TRIM66: variants seen among roughly 807,000 people sequenced by gnomAD.
TRIM66 encodes the protein tripartite motif containing 66.
A neutral mutation model predicts 148.2 loss-of-function variants in TRIM66; 99 were observed. The ratio of observed to expected loss-of-function variants is 0.67; its 90% CI spans 0.57 to 0.79. The LOEUF is 0.79. TRIM66 is among the 30% of genes least tolerant of loss of function. The pLI, the probability that TRIM66 is intolerant of heterozygous loss-of-function variation, is 0.00. For synonymous variants in TRIM66, 616 were observed against 635.9 expected (o/e 0.97, Z 0.47); for missense variants, 1,666 against 1,697.9 (o/e 0.98, Z 0.33).
chr11:8,643,371 A>C (rs1320461311), intron 12 of TRIM66, among the ~76,000 whole-genome samples: 3 of 143,700 alleles, frequency 2.1e-5, no homozygotes, highest in Admixed American at 7.0e-5. Context: ...ACGGGGTCTC[A>C]CTCTGTTGCC....
intron 3 of TRIM66, among the ~76,000 whole-genome samples, chr11:8,676,845 G>C (rs1002372893): frequency 6.6e-6 from 1 of 152,208 alleles, no homozygotes; most frequent in Non-Finnish European, 1.5e-5. Flanking sequence ...GCCTACAGGG[G>C]CTGGGCAATC....
At position 8,615,582 on chromosome 11, in the gene TRIM66, A is replaced by G. The variant is rs2033670005; in HGVS notation, c.*2362T>C. On this transcript the variant is annotated 3_prime_UTR_variant, in exon 25 of 25. Coordinates refer to ENST00000646038, the MANE Select transcript of TRIM66 (RefSeq NM_001388022.1). ...TGGTTTTTGCATGCAAAAACAAAAC[A>G]AAACCATGATTCAAAACACTGGTGG... 1 of 152,132 alleles carries G rather than the reference A, an allele frequency of 6.6e-6. No homozygotes were observed. The highest frequency in any genetic ancestry group is 2.4e-5 in the African/African-American group (1 of 41,422). 9.4% of individuals were successfully genotyped at this position (152,132 alleles called of 1,614,324 possible).
chr11:8,637,174 C>T (rs2035951298), intron 15 of TRIM66, among the ~76,000 whole-genome samples: 1 of 152,178 alleles, frequency 6.6e-6, no homozygotes, highest in Non-Finnish European at 1.5e-5. Flanking sequence ...CACTTTACCA[C>T]AATTTATTAT....
intron 19 of TRIM66, 41 bp downstream of exon 19, chr11:8,621,604 G>T (rs75862334): frequency 6.8e-7 from 1 of 1,476,540 alleles, no homozygotes; most frequent in Admixed American, 2.6e-5. Flanking sequence ...AAGCTCTTAG[G>T]CTGGGCCAGG....
chr11:8,671,268 G>A (rs1246458534), intron 6 of TRIM66, among the ~76,000 whole-genome samples: 2 of 152,208 alleles, frequency 1.3e-5, no homozygotes, highest in Non-Finnish European at 2.9e-5. Flanking sequence ...ATAAAATGAA[G>A]TGACCCGGTT....
At chr11:8,660,637 A>G (rs1201522112) in intron 6 of TRIM66, among the ~76,000 whole-genome samples, 2 of 152,232 alleles carry the variant, frequency 1.3e-5, no homozygotes. Context: ...TTGTGCAGAA[A>G]GTTTATGACA....
At chr11:8,638,328 G>A (rs1028498639) in intron 15 of TRIM66, among the ~76,000 whole-genome samples, 4 of 152,226 alleles carry the variant, frequency 2.6e-5, no homozygotes, top group African/African-American at 9.6e-5. Flanking sequence ...TGTTGGAGGT[G>A]AGGTGAGATA....
chr11:8,659,307 G>T (rs996819671), intron 6 of TRIM66, among the ~76,000 whole-genome samples: 16 of 152,150 alleles, frequency 1.1e-4, no homozygotes, highest in Non-Finnish European at 2.2e-4. Flanking sequence ...TGATTATCTT[G>T]ATGGACTGAA....
In TRIM66 at chr11:8,640,932, G is replaced by T; in HGVS notation, c.1443C>A (p.Val481=). 1 of 1,550,978 alleles carries T rather than the reference G, an allele frequency of 6.4e-7. No individual in the cohort carries two copies. Among genetic ancestry groups the T allele is most frequent in the Non-Finnish European group, 8.7e-7 (1 of 1,146,942 alleles). ...GGGCTGGGTGTATGCTGGGTGGGGG[G>T]ACCTGGCCTTTGAGGGAAGGCGAGA... is the stretch of plus-strand genomic sequence containing the variant. ...SPVSPSLKGQ[V]PPPSIHPAHS... The change falls in exon 14 of 25, where the codon GTC becomes GTA. Residue 481 remains valine, a synonymous_variant. Transcript: ENST00000646038.
rs956978819 is a variant in TRIM66, at chr11:8,640,675, C to T, written c.1700G>A (p.Gly567Glu). 4.5e-6 allele frequency: 7 copies of T among 1,551,488 alleles called. No homozygotes were observed. In the African/African-American group the frequency reaches 9.6e-5, roughly 21 times the overall value. ...CTGTAAGGTGGGCTGGGCATGGGCTCCTTGCTGAACATCCTGTGGGGGGAC... is the reference window on the plus strand; with the variant it reads ...CTGTAAGGTGGGCTGGGCATGGGCTTCTTGCTGAACATCCTGTGGGGGGAC... Reference protein sequence around the residue: ...CIVPPQDVQQGAHAQPTLQTP... With the variant: ...CIVPPQDVQQEAHAQPTLQTP... The change falls in exon 14 of 25, where the codon GGA becomes GAA. Residue 567 changes from glycine (G) to glutamate (E), a missense_variant. Transcript: ENST00000646038.
At position 8,626,635 on chromosome 11, in the gene TRIM66, C is replaced by A. The variant is rs1045464599; in HGVS notation, c.2311-1407G>T. On this transcript the variant is annotated intron_variant, in intron 15 of 24. Transcript: ENST00000646038. Reference sequence around the variant, plus strand: ...GCCCTAGCCTAACCTACTTTCACATCTCCCTAGACAACAGTAGTAGCCTCT... The same window carrying A: ...GCCCTAGCCTAACCTACTTTCACATATCCCTAGACAACAGTAGTAGCCTCT... Among the ~76,000 whole-genome samples the A allele has an allele frequency of 2.0e-5, 3 of 152,232 alleles. No individual in the cohort carries two copies. In the East Asian group the frequency reaches 5.8e-4, roughly 29 times the overall value.
chr11:8,662,422 A>G (rs2038322378), intron 6 of TRIM66, among the ~76,000 whole-genome samples: 1 of 152,206 alleles, frequency 6.6e-6, no homozygotes. Flanking sequence ...AGGCCTGCCC[A>G]CCGAGGGACC....
chr11:8,666,232 G>C (rs957065968), intron 6 of TRIM66, among the ~76,000 whole-genome samples: 1 of 150,382 alleles, frequency 6.6e-6, no homozygotes, highest in Admixed American at 6.6e-5. Context: ...CTAGCTACTC[G>C]GGAGGCTGAG....
chr11:8,671,202 T>G (rs565542882), intron 6 of TRIM66, among the ~76,000 whole-genome samples: 37 of 152,364 alleles, frequency 2.4e-4, no homozygotes, highest in African/African-American at 8.7e-4. Flanking sequence ...TCTCACTGCA[T>G]AATTTCATTC....
intron 10 of TRIM66, among the ~76,000 whole-genome samples, chr11:8,647,106 AT>A (rs1476862606): frequency 6.7e-6 from 1 of 150,082 alleles, no homozygotes; most frequent in East Asian, 1.9e-4. Context: ...TATAATGTTT[AT>A]TATAAACATA....
intron 7 of TRIM66, 62 bp from the exon 8 acceptor site, chr11:8,649,949 G>A (rs1485503502): frequency 6.6e-7 from 1 of 1,517,016 alleles, no homozygotes. Context: ...CTCCACAAGT[G>A]GTAAATGCTC....
In TRIM66 at chr11:8,641,018, G is replaced by T. The variant is rs1443416998; in HGVS notation, c.1357C>A (p.His453Asn). Residue 453 changes from histidine (H) to asparagine (N), a missense_variant, in exon 14 of 25, where the codon CAC (histidine) becomes AAC (asparagine). By Grantham distance (68) the His-to-Asn change is moderately conservative. This residue lies in a region of TRIM66 where 1,431 missense variants were observed against 1,412.4 expected (regional missense o/e 1.01). Transcript: ENST00000646038. ...CACACTGCTGGAGACTGGAACTTGT[G>T]TGAGGGGTGGCTAAGAGCCTCTTGC... ...AQQEALSHPS[H>N]KFQSPAVCSS... The T allele has an allele frequency of 6.4e-6, 10 of 1,551,556 alleles. No individual in the cohort carries two copies. The highest frequency in any genetic ancestry group is 8.7e-6 in the Non-Finnish European group (10 of 1,147,000).
chr11:8,681,713 G>C (rs1424168651), intron 1 of TRIM66, among the ~76,000 whole-genome samples: 1 of 152,054 alleles, frequency 6.6e-6, no homozygotes, highest in Non-Finnish European at 1.5e-5. Flanking sequence ...ATCACTAGTT[G>C]AGTGTGGATT....
Position 8,671,783 on chromosome 11 carries a change from T to C in TRIM66, c.340+3A>G, listed in dbSNP as rs1224674457. On this transcript the variant is annotated splice_donor_region_variant and intron_variant, in intron 6 of 24. Transcript: ENST00000646038. The stretch of plus-strand genomic sequence containing the variant: ...GGTGAACTTGTGGTGCCTTTGTACT[T>C]ACCATCTGCAACAGTCTCATGAGCC... The C allele has an allele frequency of 5.5e-6, 7 of 1,273,716 alleles. No homozygotes were observed. The highest frequency in any genetic ancestry group is 7.7e-6 in the Non-Finnish European group (7 of 907,374). The allele number at this position is 1,273,716 out of a possible 1,614,324, so 78.9% of individuals were successfully genotyped here.
Sources: gnomAD v4.1 joint callset for allele counts (sites outside exome capture counted in the v4.1 genomes callset) on GRCh38, gnomAD v4.1.1 for gene constraint, gnomAD v4.1.1 regional missense constraint, MANE v1.5 for transcripts, NCBI Gene and HGNC (gene_info 2026-07-23, HGNC 2026-07-21) for gene names.